The following RABGAP1L variants were observed in gnomAD, a reference collection of about 807,000 sequenced individuals.
RABGAP1L encodes rab GTPase-activating protein 1-like.
In RABGAP1L, 63 loss-of-function variants were observed where a neutral mutation model predicts 137.7. The ratio of observed to expected loss-of-function variants is 0.46; its 90% CI spans 0.37 to 0.56. The LOEUF (loss-of-function observed/expected upper bound fraction) is 0.56, where lower values mean the gene tolerates loss of function less well. Among genes scored for constraint, RABGAP1L ranks in the 20% least tolerant of loss-of-function variants. RABGAP1L has a pLI of 0.00. For synonymous variants in RABGAP1L, 431 were observed against 433.7 expected (o/e 0.99, Z 0.08); for missense variants, 1,095 against 1,244.0 (o/e 0.88, Z 1.80).
chr1:174,994,421 T>C lies in RABGAP1L; in HGVS notation c.*4420T>C, dbSNP rs1471390640. 2 of 152,362 alleles carry C rather than the reference T, an allele frequency of 1.3e-5. No individual in the cohort carries two copies. Among genetic ancestry groups the C allele is most frequent in the East Asian group, 3.9e-4 (2 of 5,194 alleles). 9.4% of individuals were successfully genotyped at this position (152,362 alleles called of 1,614,324 possible). On this transcript the variant is annotated 3_prime_UTR_variant, in exon 26 of 26. Transcript: ENST00000681986. ...AACATTTCATTAATATATCCCATTC[T>C]TCCTACCTCCATCTCTGGTTTGTCA...
chr1:174,194,589 C>A (rs1395867406), intron 1 of RABGAP1L, among the ~76,000 whole-genome samples: 1 of 152,116 alleles, frequency 6.6e-6, no homozygotes, highest in African/African-American at 2.4e-5. Context: ...ATCTTAGAGA[C>A]CAGTTCTGAG....
chr1:174,219,066 T>C, intron 1 of RABGAP1L, 59 bp from the exon 2 acceptor site: 2 of 1,255,120 alleles, frequency 1.6e-6, no homozygotes, highest in Non-Finnish European at 2.2e-6. Context: ...TTCATGTTTT[T>C]AATTAGTTCA....
intron 13 of RABGAP1L, among the ~76,000 whole-genome samples, chr1:174,449,769 T>A (rs1164168232): frequency 6.6e-6 from 1 of 152,256 alleles, no homozygotes; most frequent in Non-Finnish European, 1.5e-5. Context: ...ACCCCTTTGC[T>A]TGTGTTTTTA....
At chr1:174,385,046 A>G (rs1686636313) in intron 12 of RABGAP1L, among the ~76,000 whole-genome samples, 1 of 152,150 alleles carries the variant, frequency 6.6e-6, no homozygotes, top group Non-Finnish European at 1.5e-5. Flanking sequence ...AGATATTTTG[A>G]TTTAGCCATT....
chr1:174,781,262 C>T (rs1489190230), intron 18 of RABGAP1L, among the ~76,000 whole-genome samples: 1 of 152,192 alleles, frequency 6.6e-6, no homozygotes, highest in Non-Finnish European at 1.5e-5. Context: ...GATCGCCATT[C>T]TAACTGGTGT....
At chr1:174,546,197 G>A (rs1665996793) in intron 13 of RABGAP1L, among the ~76,000 whole-genome samples, 1 of 152,114 alleles carries the variant, frequency 6.6e-6, no homozygotes, top group Admixed American at 6.6e-5. Flanking sequence ...ACTAGAAAAA[G>A]TAGAAACTGG....
intron 13 of RABGAP1L, among the ~76,000 whole-genome samples, chr1:174,465,485 C>T (rs947293929): frequency 6.6e-6 from 1 of 152,134 alleles, no homozygotes; most frequent in African/African-American, 2.4e-5. Flanking sequence ...CAGGCATGAG[C>T]CACCATGCCC....
chr1:174,954,784 C>T (rs1412642554), intron 19 of RABGAP1L, among the ~76,000 whole-genome samples: 2 of 152,128 alleles, frequency 1.3e-5, no homozygotes, highest in African/African-American at 2.4e-5. Context: ...TTTAGCTGCT[C>T]CCCTTGGCCC....
chr1:174,769,508 T>C (rs1685944502), intron 18 of RABGAP1L, among the ~76,000 whole-genome samples: 1 of 152,204 alleles, frequency 6.6e-6, no homozygotes, highest in Non-Finnish European at 1.5e-5. Context: ...ATAGAAGAAT[T>C]CAAGCTCCTC....
intron 13 of RABGAP1L, among the ~76,000 whole-genome samples, chr1:174,408,296 C>T (rs1177940217): frequency 6.6e-6 from 1 of 152,134 alleles, no homozygotes; most frequent in Non-Finnish European, 1.5e-5. Flanking sequence ...ATCTCCCACT[C>T]ATAAGTGAGA....
At chr1:174,204,667 A>T (rs1320181823) in intron 1 of RABGAP1L, among the ~76,000 whole-genome samples, 3 of 152,272 alleles carry the variant, frequency 2.0e-5, no homozygotes, top group Admixed American at 6.5e-5. Flanking sequence ...CCCCATCCAC[A>T]TCTCATATTG....
chr1:174,657,938 G>T (rs1226458932), intron 14 of RABGAP1L, among the ~76,000 whole-genome samples: 2 of 152,184 alleles, frequency 1.3e-5, no homozygotes, highest in African/African-American at 2.4e-5. Context: ...TATTGGGTGA[G>T]TCTTGCAAGT....
chr1:174,642,138 A>AT, intron 14 of RABGAP1L, among the ~76,000 whole-genome samples: 1 of 152,078 alleles, frequency 6.6e-6, no homozygotes, highest in South Asian at 2.1e-4. Context: ...GCTTTTTCTC[A>AT]TTTTTTGTTT....
At position 174,982,921 on chromosome 1, in the gene RABGAP1L, G is replaced by A. The variant is rs543603365; in HGVS notation, c.2805+16G>A. The A allele has an allele frequency of 2.1e-5, 32 of 1,549,810 alleles. No individual in the cohort carries two copies. The highest frequency in any genetic ancestry group is 2.0e-4 in the South Asian group (17 of 84,044). On this transcript the variant is annotated intron_variant, in intron 24 of 25. Transcript: ENST00000681986. ...AGTGGTAAAGGTAAGGAGTGAAATC[G>A]TGCTGTGATAAAATTTATTTCAAAG...
chr1:174,508,552 A>G (rs1335594635), intron 13 of RABGAP1L, among the ~76,000 whole-genome samples: 3 of 152,168 alleles, frequency 2.0e-5, no homozygotes, highest in Non-Finnish European at 2.9e-5. Context: ...ATCTGATGAC[A>G]TTTGATGAAT....
At chr1:174,808,257 G>A (rs377728019) in intron 18 of RABGAP1L, among the ~76,000 whole-genome samples, 2 of 152,084 alleles carry the variant, frequency 1.3e-5, no homozygotes, top group East Asian at 3.9e-4. Context: ...AAAGTACTGG[G>A]ATTACAGGCA....
At chr1:174,434,108 T>TACATAC (rs1553301864) in intron 13 of RABGAP1L, among the ~76,000 whole-genome samples, 1 of 134,050 alleles carries the variant, frequency 7.5e-6, no homozygotes, top group East Asian at 2.2e-4. Context: ...CGTGTACACA[T>TACATAC]ACACACACAC....
intron 12 of RABGAP1L, among the ~76,000 whole-genome samples, chr1:174,384,654 A>T (rs547905415): frequency 2.0e-5 from 3 of 151,996 alleles, no homozygotes; most frequent in African/African-American, 7.2e-5. Flanking sequence ...TGTAATATTT[A>T]TTATAGGTAA....
chr1:174,287,987 T>C (rs1676217968), intron 10 of RABGAP1L, among the ~76,000 whole-genome samples: 1 of 152,174 alleles, frequency 6.6e-6, no homozygotes, highest in Non-Finnish European at 1.5e-5. Context: ...ATCTTTTGTG[T>C]ATCTACTGCA....
Sources: gnomAD v4.1 joint callset for allele counts (sites outside exome capture counted in the v4.1 genomes callset) on GRCh38, gnomAD v4.1.1 for gene constraint, MANE v1.5 for transcripts, NCBI Gene and HGNC (gene_info 2026-07-23, HGNC 2026-07-21) for gene names.